The following RARB variants were observed in gnomAD, a reference collection of about 807,000 sequenced individuals.
RARB encodes HBV-activated protein.
A neutral mutation model predicts 51.9 loss-of-function variants in RARB; 17 were observed. That is an observed-to-expected ratio of 0.33 (90% CI 0.22 to 0.49). RARB has a LOEUF of 0.49. Ranked by LOEUF, RARB falls within the 20% of genes least tolerant of loss-of-function variation. The pLI is 0.99. For missense variants in RARB, 369 were observed against 550.8 expected (o/e 0.67, Z 3.30); for synonymous variants, 215 against 195.4 (o/e 1.10, Z -0.84).
At chr3:25,124,135 G>A (rs1699826867) in intron 3 of RARB, among the ~76,000 whole-genome samples, 1 of 152,208 alleles carries the variant, frequency 6.6e-6, no homozygotes, top group African/African-American at 2.4e-5. Context: ...AGCACTTTGG[G>A]AGGCCAAGGT....
At chr3:25,011,893 C>T (rs1214603445) in intron 2 of RARB, among the ~76,000 whole-genome samples, 1 of 151,648 alleles carries the variant, frequency 6.6e-6, no homozygotes, top group African/African-American at 2.4e-5. Context: ...TGATCCAGTC[C>T]CTAAAAAAAA....
chr3:24,912,977 T>TTTTA (rs1695025058), intron 2 of RARB, among the ~76,000 whole-genome samples: 1 of 89,976 alleles, frequency 1.1e-5, no homozygotes, highest in Non-Finnish European at 2.2e-5. Context: ...TACTGATTCT[T>TTTTA]TTTTTTTTTT....
chr3:24,952,191 T>C (rs1006140212), intron 2 of RARB, among the ~76,000 whole-genome samples: 2 of 152,046 alleles, frequency 1.3e-5, no homozygotes, highest in African/African-American at 4.8e-5. Context: ...CTGGGTAACA[T>C]AGTGAGACCC....
chr3:25,237,918 T>TAG (rs1348461354), intron 5 of RARB, among the ~76,000 whole-genome samples: 3 of 152,152 alleles, frequency 2.0e-5, no homozygotes, highest in Non-Finnish European at 4.4e-5. Context: ...TGTACATATA[T>TAG]AGAGAGAGTA....
At chr3:25,496,151 AACAATT>A (rs1329211538) in intron 2 of RARB, among the ~76,000 whole-genome samples, 1 of 152,244 alleles carries the variant, frequency 6.6e-6, no homozygotes, top group African/African-American at 2.4e-5. Flanking sequence ...GGACTTCATC[AACAATT>A]ACAATTACAA....
intron 2 of RARB, among the ~76,000 whole-genome samples, chr3:25,473,025 T>C (rs547140160): frequency 1.3e-5 from 2 of 152,314 alleles, no homozygotes; most frequent in East Asian, 3.9e-4. Flanking sequence ...TCTTGTTGTA[T>C]CAAATATGTG....
At chr3:25,342,017 T>C (rs989051414) in intron 5 of RARB, among the ~76,000 whole-genome samples, 3 of 152,204 alleles carry the variant, frequency 2.0e-5, no homozygotes, top group Non-Finnish European at 4.4e-5. Context: ...TGTATCTTGT[T>C]CCCCATTGTA....
intron 2 of RARB, among the ~76,000 whole-genome samples, chr3:24,947,002 C>A (rs1695789638): frequency 6.6e-6 from 1 of 152,098 alleles, no homozygotes; most frequent in Admixed American, 6.6e-5. Context: ...CATAAAAGTG[C>A]ATTATATATA....
intron 3 of RARB, among the ~76,000 whole-genome samples, chr3:25,562,821 A>G (rs1700327982): frequency 6.6e-6 from 1 of 152,224 alleles, no homozygotes; most frequent in African/African-American, 2.4e-5. Flanking sequence ...AAGTATTTGA[A>G]AGACTGTCCA....
chr3:25,346,429 T>C (rs1328199077), intron 5 of RARB, among the ~76,000 whole-genome samples: 1 of 152,174 alleles, frequency 6.6e-6, no homozygotes, highest in East Asian at 1.9e-4. Context: ...AATTAATTAA[T>C]TAGGTGGTCA....
intron 4 of RARB, among the ~76,000 whole-genome samples, chr3:25,133,454 T>C (rs1288508213): frequency 6.6e-6 from 1 of 151,982 alleles, no homozygotes; most frequent in East Asian, 1.9e-4. Context: ...CCCTGGAGGA[T>C]AGTAACTGTA....
At chr3:25,556,007 A>AT (rs35199932) in intron 3 of RARB, among the ~76,000 whole-genome samples, 77,949 of 148,946 alleles carry the variant, frequency 0.52, 20,972 homozygotes, top group African/African-American at 0.66. Context: ...GACATCTTGT[A>AT]TTTTTTTTTT....
chr3:24,982,780 G>A lies in RARB; in HGVS notation c.-379-77345G>A, dbSNP rs141428055. Among the ~76,000 whole-genome samples the A allele has an allele frequency of 2.8e-3, 424 of 152,250 alleles. 1 individual carries two copies. Among genetic ancestry groups the A allele is most frequent in the Non-Finnish European group, 4.5e-3 (307 of 68,030 alleles). ...CTGGGGGAATTTTAGAAATGTGTTG[G>A]AGTGTTTGGGGGCTGGGGCATCATA... On this transcript the variant is annotated intron_variant, in intron 2 of 11. Transcript: ENST00000383772.
At chr3:25,181,598 A>C (rs1205133363) in intron 5 of RARB, among the ~76,000 whole-genome samples, 1 of 152,200 alleles carries the variant, frequency 6.6e-6, no homozygotes, top group Non-Finnish European at 1.5e-5. Flanking sequence ...TCATGTTCTC[A>C]TGACTTTCCG....
chr3:24,854,764 C>A (rs569650259), intron 1 of RARB, among the ~76,000 whole-genome samples: 7 of 152,150 alleles, frequency 4.6e-5, no homozygotes, highest in Non-Finnish European at 1.0e-4. Flanking sequence ...GTGGCTCCCC[C>A]ACCCCAGCTG....
chr3:25,137,161 C>T (rs1473720449), intron 4 of RARB, among the ~76,000 whole-genome samples: 2 of 151,966 alleles, frequency 1.3e-5, no homozygotes, highest in African/African-American at 4.8e-5. Flanking sequence ...TCTACCATTT[C>T]AAAAGATTTC....
At chr3:25,068,702 A>C (rs1407149521) in intron 3 of RARB, among the ~76,000 whole-genome samples, 1 of 152,170 alleles carries the variant, frequency 6.6e-6, no homozygotes, top group African/African-American at 2.4e-5. Flanking sequence ...CCTCAGCACA[A>C]AGCACTGCCT....
At chr3:25,056,919 A>C (rs992634416) in intron 2 of RARB, among the ~76,000 whole-genome samples, 2 of 152,044 alleles carry the variant, frequency 1.3e-5, no homozygotes, top group African/African-American at 4.8e-5. Context: ...AAATTGATTG[A>C]CTGTAGCACT....
At chr3:25,412,976 G>C (rs557458196) in intron 5 of RARB, among the ~76,000 whole-genome samples, 6 of 151,840 alleles carry the variant, frequency 4.0e-5, no homozygotes, top group South Asian at 4.2e-4. Context: ...CCGAGATCTT[G>C]CCATTGCACT....
Sources: gnomAD v4.1 joint callset for allele counts (sites outside exome capture counted in the v4.1 genomes callset) on GRCh38, gnomAD v4.1.1 for gene constraint, MANE v1.5 for transcripts, NCBI Gene and HGNC (gene_info 2026-07-23, HGNC 2026-07-21) for gene names.